The following SPTB variants were observed in gnomAD, a reference collection of about 807,000 sequenced individuals.
SPTB encodes the protein spectrin beta chain, erythrocytic.
SPTB carries 45 observed loss-of-function variants against 256.2 expected under a neutral mutation model. The observed-to-expected ratio is 0.18, with a 90% confidence interval of 0.14 to 0.23. SPTB has a LOEUF of 0.23. Among genes scored for constraint, SPTB ranks in the 10% least tolerant of loss-of-function variants. SPTB has a pLI of 1.00. For missense variants in SPTB, 2,715 were observed against 3,040.4 expected (o/e 0.89, Z 2.52); for synonymous variants, 1,231 against 1,243.1 (o/e 0.99, Z 0.21).
Position 64,779,231 on chromosome 14 carries a change from T to C in SPTB, c.4489A>G (p.Arg1497Gly). 3.7e-6 allele frequency: 6 copies of C among 1,613,622 alleles called. No individual in the cohort carries two copies. Among genetic ancestry groups the C allele is most frequent in the Non-Finnish European group, 5.1e-6 (6 of 1,179,764 alleles). ...TCGGCTGACTGGGCCAGAGGCAGCC[T>C]CTCCTCCACCCAAAGCTGCAGAGAC... ...LEDETLWVEERLPLAQSADYG... is the reference protein window; with the variant it reads ...LEDETLWVEEGLPLAQSADYG... Residue 1497 changes from arginine (R) to glycine (G), a missense_variant, in exon 22 of 36, where the codon AGG becomes GGG. Arg to Gly is a moderately radical substitution (Grantham distance 125, BLOSUM62 -2). Coordinates refer to ENST00000644917, the MANE Select transcript of SPTB (RefSeq NM_001355436.2). This position sits in a 1 kb window ranked among gnomAD's most constrained non-coding sequence, Gnocchi z 4.2.
At chr14:64,789,543 C>T (rs2082634439) in intron 15 of SPTB, among the ~76,000 whole-genome samples, 1 of 152,084 alleles carries the variant, frequency 6.6e-6, no homozygotes. Flanking sequence ...ATGGGGCGGT[C>T]AGCGGGGGCC....
chr14:64,827,615 G>A lies in SPTB; in HGVS notation c.-51-4470C>T, dbSNP rs767400684. Among the ~76,000 whole-genome samples, 6 of 152,042 alleles carry A rather than the reference G, an allele frequency of 3.9e-5. No individual in the cohort carries two copies. Among genetic ancestry groups the A allele is most frequent in the Admixed American group, 1.3e-4 (2 of 15,264 alleles). ...CCTTCCTCTCCCTCTGATCATAATCGCATTGCACATTCACAGGTACCTTAA... is the reference window on the plus strand; with the variant it reads ...CCTTCCTCTCCCTCTGATCATAATCACATTGCACATTCACAGGTACCTTAA... On this transcript the variant is annotated intron_variant, in intron 1 of 35. Coordinates refer to ENST00000644917, the MANE Select transcript of SPTB (RefSeq NM_001355436.2). This position sits in a 1 kb window ranked among gnomAD's most constrained non-coding sequence, Gnocchi z 4.6.
chr14:64,815,282 C>T (rs375134581), intron 2 of SPTB, among the ~76,000 whole-genome samples: 1 of 65,742 alleles, frequency 1.5e-5, no homozygotes, highest in Admixed American at 1.3e-4. Flanking sequence ...TCCCATGAAG[C>T]GGGCATCTCC....
In SPTB at chr14:64,758,983, G is replaced by A. The variant is rs1299747146; in HGVS notation, c.6346-5190C>T. On this transcript the variant is annotated intron_variant, in intron 32 of 35. Transcript: ENST00000644917. This position sits in a 1 kb window ranked among gnomAD's most constrained non-coding sequence, Gnocchi z 4.6. ...GAAGGGGGTGGGGGAGGCTGGAGAT[G>A]GGGTAGATGAAGCTGATGTGAGAAA... 6.6e-6 allele frequency among the ~76,000 whole-genome samples: 1 copy of A among 152,126 alleles called. No homozygotes were observed. Among genetic ancestry groups the A allele is most frequent in the Non-Finnish European group, 1.5e-5 (1 of 68,024 alleles).
In SPTB at chr14:64,767,707, C is replaced by T; in HGVS notation, c.6175G>A (p.Ala2059Thr). 6.2e-7 allele frequency: 1 copy of T among 1,614,216 alleles called. No individual in the cohort carries two copies. Among genetic ancestry groups the T allele is most frequent in the Non-Finnish European group, 8.5e-7 (1 of 1,180,044 alleles). Residue 2059 changes from alanine to threonine, a missense_variant, in exon 30 of 36, where the codon GCC becomes ACC. Physicochemically the swap from Ala to Thr is moderately conservative, Grantham distance 58 (BLOSUM62 0). Transcript: ENST00000644917. Reference sequence around the variant, plus strand: ...GCAGCAAAGCGCTCTGCCCAGCTGGCCGTGGACTTCTCAAAAGCCTCATGC... The same window carrying T: ...GCAGCAAAGCGCTCTGCCCAGCTGGTCGTGGACTTCTCAAAAGCCTCATGC... ...KRHEAFEKST[A>T]SWAERFAALE...
At position 64,792,983 on chromosome 14, in the gene SPTB, G is replaced by A; in HGVS notation, c.2666+14C>T. On this transcript the variant is annotated intron_variant, in intron 14 of 35. Coordinates refer to ENST00000644917, the MANE Select transcript of SPTB (RefSeq NM_001355436.2). This position sits in a 1 kb window ranked among gnomAD's most constrained non-coding sequence, Gnocchi z 4.2. Reference sequence around the variant, plus strand: ...GGGTACAGGGACGTGAGGAAAAGATGAGTTAACTCTGACCTGTGCTGCACG... The same window carrying A: ...GGGTACAGGGACGTGAGGAAAAGATAAGTTAACTCTGACCTGTGCTGCACG... The A allele has an allele frequency of 1.2e-6, 2 of 1,613,820 alleles. No homozygotes were observed. Among genetic ancestry groups the A allele is most frequent in the Non-Finnish European group, 1.7e-6 (2 of 1,180,032 alleles).
At chr14:64,797,114 T>C (rs957195703) in intron 10 of SPTB, among the ~76,000 whole-genome samples, 3 of 152,180 alleles carry the variant, frequency 2.0e-5, no homozygotes, top group African/African-American at 4.8e-5. Context: ...AAGTAGTTAA[T>C]ATTCCATCTT....
intron 32 of SPTB, chr14:64,763,935 C>T (rs1401567215): frequency 7.8e-6 from 4 of 513,012 alleles, no homozygotes; most frequent in African/African-American, 7.7e-5. Context: ...GGTGGGGTGC[C>T]ACCCTGTGGT....
intron 1 of SPTB, among the ~76,000 whole-genome samples, chr14:64,877,789 C>G (rs997997745): frequency 2.6e-5 from 4 of 152,246 alleles, no homozygotes; most frequent in Non-Finnish European, 5.9e-5. Context: ...TCACACCTAG[C>G]TTGCCTAAAA....
At chr14:64,755,472 A>T (rs229576) in intron 32 of SPTB, 40,893 of 152,100 alleles carry the variant, frequency 0.27, 7,544 homozygotes, top group African/African-American at 0.52. Flanking sequence ...CATGGTAGGG[A>T]TCCAGTAAGA....
intron 32 of SPTB, chr14:64,754,009 C>A (rs1275530007): frequency 3.0e-6 from 2 of 656,576 alleles, no homozygotes; most frequent in Non-Finnish European, 5.4e-6. Context: ...TCCATTTCCA[C>A]CCCATTCTCC....
rs765221153 is a variant in SPTB, at chr14:64,785,590, C to T, written c.3802G>A (p.Val1268Ile). Residue 1268 changes from valine to isoleucine, a missense_variant, in exon 18 of 36, where the codon GTC becomes ATC. Val to Ile is a conservative substitution (Grantham distance 29). Around this residue, in one of 4 missense-constraint regions of SPTB, gnomAD observed 2,239 missense variants for 2,384.4 expected, o/e 0.94. Coordinates refer to ENST00000644917, the MANE Select transcript of SPTB (RefSeq NM_001355436.2). The surrounding 1 kb of genome is among the most constrained non-coding windows in gnomAD (Gnocchi z 4.4). ...KNNEKAQEAS[V>I]LLRDNLELQN... The stretch of plus-strand genomic sequence containing the variant: ...AGCTCCAGGTTGTCTCTCAGTAGGA[C>T]AGAGGCCTCCTGGGCCTTCTCGTTG... 3 of 1,614,136 alleles carry T rather than the reference C, an allele frequency of 1.9e-6. No individual in the cohort carries two copies. Among genetic ancestry groups the T allele is most frequent in the African/African-American group, 1.3e-5 (1 of 75,048 alleles).
chr14:64,801,717 T>A, intron 6 of SPTB, 37 bp downstream of exon 6: 1 of 1,586,656 alleles, frequency 6.3e-7, no homozygotes, highest in Non-Finnish European at 8.7e-7. Context: ...AGGGAGGCTG[T>A]CTCAGTCAGT....
rs1011289101 is a variant in SPTB at position 64,772,256 on chromosome 14, C to T, written c.5553+324G>A. On this transcript the variant is annotated intron_variant, in intron 26 of 35. Coordinates refer to ENST00000644917, the MANE Select transcript of SPTB (RefSeq NM_001355436.2). The surrounding 1 kb of genome is among the most constrained non-coding windows in gnomAD (Gnocchi z 5.4). ...TCAGAGGACTGCCATGAGGGTCCAG[C>T]GGCTACATACATTGCTCAGAAGAGC... is the stretch of plus-strand genomic sequence containing the variant. 2.0e-5 allele frequency among the ~76,000 whole-genome samples: 3 copies of T among 152,220 alleles called. No individual in the cohort carries two copies. The highest frequency in any genetic ancestry group is 1.9e-4 in the East Asian group (1 of 5,196).
chr14:64,788,421 C>T (rs1212760988), intron 15 of SPTB, among the ~76,000 whole-genome samples: 1 of 152,168 alleles, frequency 6.6e-6, no homozygotes, highest in Non-Finnish European at 1.5e-5. Context: ...ATATAAGAGA[C>T]AGGCTGGGAG....
chr14:64,820,796 G>C (rs1157261476), intron 2 of SPTB, among the ~76,000 whole-genome samples: 1 of 152,048 alleles, frequency 6.6e-6, no homozygotes, highest in African/African-American at 2.4e-5. Flanking sequence ...TCAGCTTCTT[G>C]AGTAGCTGGG....
At chr14:64,753,954 G>A in intron 32 of SPTB, 161 bp from the exon 33 acceptor site, 1 of 879,532 alleles carries the variant, frequency 1.1e-6, no homozygotes, top group East Asian at 2.6e-5. Context: ...CCCACAACCT[G>A]CTATGGGTGC....
chr14:64,813,874 C>T (rs563503863), intron 2 of SPTB, among the ~76,000 whole-genome samples: 5 of 152,202 alleles, frequency 3.3e-5, no homozygotes, highest in Non-Finnish European at 5.9e-5. Context: ...ACCTCAATGA[C>T]ACAGATGCCA....
At chr14:64,874,047 C>T (rs1882687180) in intron 1 of SPTB, among the ~76,000 whole-genome samples, 1 of 152,198 alleles carries the variant, frequency 6.6e-6, no homozygotes, top group African/African-American at 2.4e-5. Context: ...GATTTCATCA[C>T]ACCCCTTTAT....
Sources: gnomAD v4.1 joint callset for allele counts (sites outside exome capture counted in the v4.1 genomes callset) on GRCh38, gnomAD v4.1.1 for gene constraint, gnomAD v4.1.1 regional missense constraint, Gnocchi (gnomAD v3.1) non-coding constraint, MANE v1.5 for transcripts, NCBI Gene and HGNC (gene_info 2026-07-23, HGNC 2026-07-21) for gene names.